The following TBC1D2B variants were observed in gnomAD, a reference collection of about 807,000 sequenced individuals.
TBC1D2B encodes the protein TBC1 domain family, member 2B.
Under a neutral mutation model 100.8 loss-of-function variants are expected in TBC1D2B, and 64 were observed. That is an observed-to-expected ratio of 0.64 (90% CI 0.52 to 0.78). The LOEUF is 0.78. Ranked by LOEUF, TBC1D2B falls within the 30% of genes least tolerant of loss-of-function variation. The pLI, the probability that TBC1D2B is intolerant of heterozygous loss-of-function variation, is 0.00. For missense variants in TBC1D2B, 1,052 were observed against 1,218.4 expected (o/e 0.86, Z 2.03); for synonymous variants, 480 against 479.7 (o/e 1.00, Z -0.01).
intron 2 of TBC1D2B, among the ~76,000 whole-genome samples, chr15:78,052,528 A>C (rs1423508718): frequency 6.6e-6 from 1 of 152,238 alleles, no homozygotes; most frequent in African/African-American, 2.4e-5. Flanking sequence ...TATGGGCTTC[A>C]GATGTTTTCT....
intron 9 of TBC1D2B, among the ~76,000 whole-genome samples, chr15:78,011,408 C>G (rs1222575780): frequency 6.6e-6 from 1 of 152,006 alleles, no homozygotes; most frequent in African/African-American, 2.4e-5. Flanking sequence ...CCAGCTCATG[C>G]ATGGCTTACA....
rs200019075 is a variant in TBC1D2B, at chr15:78,003,267, T to C, written c.2574+38A>G. Reference sequence around the variant, plus strand: ...ACCAACGCTGCTGACGGTTGTCAAGTGTGTATATCTGAAAATAGCTGAGCT... The same window carrying C: ...ACCAACGCTGCTGACGGTTGTCAAGCGTGTATATCTGAAAATAGCTGAGCT... On this transcript the variant is annotated intron_variant, in intron 11 of 12. Transcript: ENST00000300584. 21 of 1,585,264 alleles carry C rather than the reference T, an allele frequency of 1.3e-5. No homozygotes were observed. In the African/African-American group the frequency reaches 2.8e-4, roughly 21 times the overall value.
intron 9 of TBC1D2B, among the ~76,000 whole-genome samples, 187 bp downstream of exon 9, chr15:78,012,636 T>A (rs2072259361): frequency 6.6e-6 from 1 of 152,216 alleles, no homozygotes; most frequent in African/African-American, 2.4e-5. Flanking sequence ...TCTAAAAGCA[T>A]GCTTTTTCTC....
chr15:78,070,705 T>C (rs990569156), intron 1 of TBC1D2B, among the ~76,000 whole-genome samples: 1 of 152,242 alleles, frequency 6.6e-6, no homozygotes, highest in Non-Finnish European at 1.5e-5. Flanking sequence ...TCACCCAGGC[T>C]GGAGTACAGT....
intron 10 of TBC1D2B, among the ~76,000 whole-genome samples, chr15:78,006,335 G>A (rs753689990): frequency 5.3e-5 from 8 of 152,148 alleles, no homozygotes; most frequent in African/African-American, 1.4e-4. Context: ...AATCCCACCC[G>A]ACTGACTGCT....
chr15:78,009,172 C>T (rs1845904985), intron 9 of TBC1D2B, 58 bp from the exon 10 acceptor site: 1 of 1,252,274 alleles, frequency 8.0e-7, no homozygotes. Flanking sequence ...CTACTACAGT[C>T]TCCACAGAGA....
chr15:78,060,254 C>T (rs912984421), intron 1 of TBC1D2B, among the ~76,000 whole-genome samples: 5 of 152,118 alleles, frequency 3.3e-5, no homozygotes, highest in East Asian at 3.9e-4. Context: ...AGATATTCAC[C>T]GCAAGCAAAC....
At chr15:78,016,518 T>G in intron 8 of TBC1D2B, 28 bp downstream of exon 8, 1 of 1,605,002 alleles carries the variant, frequency 6.2e-7, no homozygotes, top group African/African-American at 1.3e-5. Context: ...TGGGGTGCAC[T>G]ACCCTCAACA....
chr15:78,060,187 C>T (rs2073513852), intron 1 of TBC1D2B, among the ~76,000 whole-genome samples: 2 of 152,166 alleles, frequency 1.3e-5, no homozygotes, highest in Admixed American at 1.3e-4. Flanking sequence ...GGGCCAAGTC[C>T]AGTAGTTAGC....
intron 4 of TBC1D2B, among the ~76,000 whole-genome samples, chr15:78,025,996 C>G (rs543026561): frequency 6.6e-6 from 1 of 151,422 alleles, no homozygotes; most frequent in South Asian, 2.1e-4. Flanking sequence ...ATGCTTCAGC[C>G]AGAGATGATT....
At chr15:78,013,435 A>T in intron 8 of TBC1D2B, 118 bp from the exon 9 acceptor site, 1 of 971,518 alleles carries the variant, frequency 1.0e-6, no homozygotes, top group Non-Finnish European at 1.5e-6. Context: ...TTGAACTATG[A>T]GAAGCATTTC....
At chr15:78,072,520 G>C (rs1567037205) in intron 1 of TBC1D2B, among the ~76,000 whole-genome samples, 1 of 152,212 alleles carries the variant, frequency 6.6e-6, no homozygotes, top group African/African-American at 2.4e-5. Context: ...TACCCAAGCC[G>C]ACAAATGTTT....
At chr15:78,064,237 G>A (rs374398923) in intron 1 of TBC1D2B, among the ~76,000 whole-genome samples, 7 of 152,042 alleles carry the variant, frequency 4.6e-5, no homozygotes, top group Non-Finnish European at 1.0e-4. Context: ...ACAACCAAAC[G>A]ATCATTCCTC....
In TBC1D2B at chr15:78,054,201, G is replaced by A. The variant is rs537242295; in HGVS notation, c.361-14C>T. 4.2e-5 allele frequency: 68 copies of A among 1,606,932 alleles called. No individual in the cohort carries two copies. The South Asian group carries it at 6.7e-4, about 16-fold the overall frequency. On this transcript the variant is annotated splice_polypyrimidine_tract_variant and intron_variant, in intron 1 of 12. Coordinates refer to ENST00000300584, the MANE Select transcript of TBC1D2B (RefSeq NM_144572.2). The stretch of plus-strand genomic sequence containing the variant: ...ACGATTGGGAGCCTAGAAAGAGGGA[G>A]GGGAAAAACATGTTATGGCCACCAG...
At chr15:77,999,060 T>C (rs556875435) in intron 12 of TBC1D2B, 34 of 260,576 alleles carry the variant, frequency 1.3e-4, no homozygotes, top group African/African-American at 6.7e-4. Context: ...TATGGATTTG[T>C]AGCACTAATG....
At chr15:78,006,444 G>A (rs2072069960) in intron 10 of TBC1D2B, among the ~76,000 whole-genome samples, 1 of 152,230 alleles carries the variant, frequency 6.6e-6, no homozygotes, top group Admixed American at 6.5e-5. Context: ...GAGACCAGAT[G>A]AGCTTCTCCT....
At chr15:78,052,605 G>A (rs924310213) in intron 2 of TBC1D2B, among the ~76,000 whole-genome samples, 1 of 152,168 alleles carries the variant, frequency 6.6e-6, no homozygotes, top group Admixed American at 6.5e-5. Flanking sequence ...GAGACTATAG[G>A]GCTAGGCACT....
chr15:78,015,614 AGGC>A, intron 8 of TBC1D2B, among the ~76,000 whole-genome samples: 1 of 152,320 alleles, frequency 6.6e-6, no homozygotes, highest in Admixed American at 6.5e-5. Context: ...CCGACTATCC[AGGC>A]TGAGGGCCTG....
At chr15:78,032,032 C>A (rs964780491) in intron 3 of TBC1D2B, among the ~76,000 whole-genome samples, 24 of 152,170 alleles carry the variant, frequency 1.6e-4, no homozygotes, top group African/African-American at 5.8e-4. Context: ...GAGCAGAGTA[C>A]TAGAGAGAAG....
Sources: gnomAD v4.1 joint callset for allele counts (sites outside exome capture counted in the v4.1 genomes callset) on GRCh38, gnomAD v4.1.1 for gene constraint, MANE v1.5 for transcripts, NCBI Gene and HGNC (gene_info 2026-07-23, HGNC 2026-07-21) for gene names.